The following NRG1 variants were observed in gnomAD, a reference collection of about 807,000 sequenced individuals.
NRG1 encodes the protein pro-neuregulin-1, membrane-bound isoform.
NRG1 carries 18 observed loss-of-function variants against 63.8 expected under a neutral mutation model. The ratio of observed to expected loss-of-function variants is 0.28; its 90% CI spans 0.19 to 0.42. The LOEUF is 0.42. Among genes scored for constraint, NRG1 ranks in the 10% least tolerant of loss-of-function variants. The pLI is 1.00. For missense variants in NRG1, 762 were observed against 814.7 expected, an observed-to-expected ratio of 0.94 and a Z score of 0.79; for synonymous variants, 302 against 301.3, an observed-to-expected ratio of 1.00 and a Z score of -0.02.
At chr8:32,281,630 T>A (rs1852861593) in intron 1 of NRG1, among the ~76,000 whole-genome samples, 1 of 152,154 alleles carries the variant, frequency 6.6e-6, no homozygotes, top group African/African-American at 2.4e-5. Flanking sequence ...TCTCTGTTCT[T>A]GCATTAATTC....
intron 1 of NRG1, among the ~76,000 whole-genome samples, chr8:32,437,645 A>G (rs1370149057): frequency 1.3e-5 from 2 of 152,212 alleles, no homozygotes; most frequent in Non-Finnish European, 2.9e-5. Context: ...TTACTACTGC[A>G]TTATGAATGT....
intron 1 of NRG1, among the ~76,000 whole-genome samples, chr8:31,996,751 C>T (rs762577309): frequency 2.6e-5 from 4 of 151,862 alleles, no homozygotes; most frequent in Admixed American, 6.6e-5. Flanking sequence ...ATACATTTAG[C>T]TCAATTGACT....
chr8:31,894,546 C>CTTTTT lies in NRG1; in HGVS notation c.37+255117_37+255121dup, dbSNP rs370312165. Among the ~76,000 whole-genome samples, 620 of 97,966 alleles carry CTTTTT rather than the reference C, an allele frequency of 6.3e-3. 8 individuals carry two copies. The highest frequency in any genetic ancestry group is 0.014 in the African/African-American group (421 of 30,064). 64.3% of individuals were successfully genotyped at this position (97,966 alleles called of 152,430 possible). A position where few individuals can be genotyped will look rare whatever the true frequency, so the allele number is the denominator to read the frequency against. On this transcript the variant is annotated intron_variant, in intron 1 of 10. Transcript: ENST00000519301. ...GTGAAATCATAATTGCTATTTCTTT[C>CTTTTT]TTTTTTCTTTTTTTTTTTTTTTGAG... is the stretch of plus-strand genomic sequence containing the variant.
At chr8:31,783,840 A>G (rs939064472) in intron 1 of NRG1, among the ~76,000 whole-genome samples, 1 of 152,200 alleles carries the variant, frequency 6.6e-6, no homozygotes, top group Non-Finnish European at 1.5e-5. Context: ...CGATCCTCAT[A>G]ATTGCTAAAA....
At chr8:32,599,037 T>C (rs1249542344) in intron 2 of NRG1, among the ~76,000 whole-genome samples, 1 of 152,134 alleles carries the variant, frequency 6.6e-6, no homozygotes, top group Non-Finnish European at 1.5e-5. Flanking sequence ...GGTCTGACTC[T>C]AAGTCTTGTG....
At chr8:31,792,369 C>A (rs1034283380) in intron 1 of NRG1, among the ~76,000 whole-genome samples, 1 of 152,152 alleles carries the variant, frequency 6.6e-6, no homozygotes, top group African/African-American at 2.4e-5. Context: ...AATAGAAGCC[C>A]AGTACACAGG....
chr8:32,117,979 T>G (rs185773531), intron 1 of NRG1, among the ~76,000 whole-genome samples: 128 of 152,278 alleles, frequency 8.4e-4, no homozygotes, highest in African/African-American at 3.0e-3. Context: ...ATTCATTTAC[T>G]TTTAATTCAG....
At chr8:32,285,514 C>T (rs1019751389) in intron 1 of NRG1, among the ~76,000 whole-genome samples, 4 of 152,188 alleles carry the variant, frequency 2.6e-5, no homozygotes, top group East Asian at 1.9e-4. Flanking sequence ...AGACCAAGTA[C>T]GGAAATACAC....
intron 1 of NRG1, among the ~76,000 whole-genome samples, chr8:32,119,378 A>C (rs1041230287): frequency 3.2e-4 from 49 of 152,142 alleles, no homozygotes; most frequent in African/African-American, 1.2e-3. Context: ...TAGCTGATAC[A>C]CACAGTTGCA....
At chr8:31,672,913 C>T (rs1002663739) in intron 1 of NRG1, among the ~76,000 whole-genome samples, 24 of 149,380 alleles carry the variant, frequency 1.6e-4, no homozygotes, top group Non-Finnish European at 7.4e-5. Flanking sequence ...TCCTTTGTGT[C>T]ATAAATATGC....
chr8:31,911,700 C>G (rs545727225), intron 1 of NRG1, among the ~76,000 whole-genome samples: 3 of 152,254 alleles, frequency 2.0e-5, no homozygotes, highest in Non-Finnish European at 2.9e-5. Context: ...AAACAACAAA[C>G]CTGCACATGT....
intron 1 of NRG1, among the ~76,000 whole-genome samples, chr8:32,491,730 G>A (rs951195251): frequency 6.6e-6 from 1 of 152,180 alleles, no homozygotes; most frequent in Non-Finnish European, 1.5e-5. Flanking sequence ...TGAGTGTGGA[G>A]TGCCCACTTG....
chr8:32,448,717 TA>T (rs1220901573), intron 1 of NRG1, among the ~76,000 whole-genome samples: 1 of 152,162 alleles, frequency 6.6e-6, no homozygotes, highest in Non-Finnish European at 1.5e-5. Flanking sequence ...TTGTAGCTTT[TA>T]TGGTAGAGGT....
chr8:32,107,644 G>C (rs1223873592), intron 1 of NRG1, among the ~76,000 whole-genome samples: 1 of 152,074 alleles, frequency 6.6e-6, no homozygotes, highest in Non-Finnish European at 1.5e-5. Context: ...CACATTCAGT[G>C]CTATGTTAAA....
chr8:32,007,543 A>C (rs554480432), intron 1 of NRG1, among the ~76,000 whole-genome samples: 2 of 152,154 alleles, frequency 1.3e-5, no homozygotes, highest in South Asian at 2.1e-4. Flanking sequence ...AGCTTGCCCA[A>C]GGTTACTCTT....
chr8:31,897,514 C>T (rs912770166), intron 1 of NRG1, among the ~76,000 whole-genome samples: 1 of 152,140 alleles, frequency 6.6e-6, no homozygotes, highest in Non-Finnish European at 1.5e-5. Flanking sequence ...AATCCCTTTC[C>T]TTTTCCAGGC....
At chr8:32,237,581 T>C (rs1490916326) in intron 1 of NRG1, among the ~76,000 whole-genome samples, 2 of 152,154 alleles carry the variant, frequency 1.3e-5, no homozygotes, top group African/African-American at 2.4e-5. Context: ...AAGGTGATTG[T>C]GTTTTCCAGA....
intron 1 of NRG1, among the ~76,000 whole-genome samples, chr8:32,491,133 G>A (rs537275482): frequency 5.1e-4 from 77 of 152,212 alleles, no homozygotes; most frequent in African/African-American, 1.8e-3. Flanking sequence ...CAGAAATCCT[G>A]GAAGATGAGA....
chr8:31,948,637 G>A (rs1257743253), intron 1 of NRG1, among the ~76,000 whole-genome samples: 1 of 152,142 alleles, frequency 6.6e-6, no homozygotes, highest in Non-Finnish European at 1.5e-5. Context: ...GATTTCAGAG[G>A]TTATCCTCTT....
Sources: allele counts gnomAD v4.1 joint callset (sites outside exome capture counted in the v4.1 genomes callset), GRCh38; gene constraint gnomAD v4.1.1; transcripts MANE v1.5; gene names NCBI Gene and HGNC (gene_info 2026-07-23, HGNC 2026-07-21).